MYOM1: variants seen among roughly 807,000 people sequenced by gnomAD.
MYOM1 encodes the protein myomesin 1, also known as myomesin-1.
Under a neutral mutation model 205.3 loss-of-function variants are expected in MYOM1, and 164 were observed. The ratio of observed to expected loss-of-function variants is 0.80; its 90% CI spans 0.70 to 0.91. MYOM1 has a LOEUF of 0.91. MYOM1 is among the 40% of genes least tolerant of loss of function. MYOM1 has a pLI of 0.00. For synonymous variants in MYOM1, 772 were observed against 789.4 expected, an observed-to-expected ratio of 0.98 and a Z score of 0.37; for missense variants, 2,011 against 2,127.3, an observed-to-expected ratio of 0.95 and a Z score of 1.08.
At position 3,100,042 on chromosome 18, in the gene MYOM1, A is replaced by G. The variant is rs78954772; in HGVS notation, c.3727+117T>C. 1.3e-3 allele frequency: 1,372 copies of G among 1,064,840 alleles called. 14 individuals carry two copies. In the African/African-American group the frequency reaches 0.019, roughly 15 times the overall value. 66.0% of individuals were successfully genotyped at this position (1,064,840 alleles called of 1,614,324 possible). A position where few individuals can be genotyped will look rare whatever the true frequency, so the allele number is the denominator to read the frequency against. On this transcript the variant is annotated intron_variant, in intron 25 of 37. Transcript: ENST00000356443. ...ATCTGTAGCTACTGATGTGTGTTCC[A>G]TTATATGTTCTCAAGAGTCTCTCTC...
At chr18:3,167,218 C>T (rs2080484337) in intron 9 of MYOM1, among the ~76,000 whole-genome samples, 1 of 152,114 alleles carries the variant, frequency 6.6e-6, no homozygotes, top group Admixed American at 6.5e-5. Flanking sequence ...GAGTAAACAC[C>T]AGCAGGTCTG....
chr18:3,191,087 A>C (rs1300031954), intron 3 of MYOM1, among the ~76,000 whole-genome samples: 1 of 152,200 alleles, frequency 6.6e-6, no homozygotes, highest in East Asian at 1.9e-4. Context: ...ATCAGTGATA[A>C]CCCTTCTATA....
intron 16 of MYOM1, 105 bp downstream of exon 16, chr18:3,134,545 A>G (rs2079924356): frequency 7.8e-7 from 1 of 1,283,290 alleles, no homozygotes; most frequent in Middle Eastern, 2.9e-4. Context: ...CCAGCCAAAA[A>G]GTAAAATTTT....
At chr18:3,136,029 G>A (rs756377639) in intron 14 of MYOM1, among the ~76,000 whole-genome samples, 8 of 152,156 alleles carry the variant, frequency 5.3e-5, no homozygotes, top group Admixed American at 2.6e-4. Context: ...GAATCATGGG[G>A]GCGGTTTCCC....
At position 3,187,577 on chromosome 18, in the gene MYOM1, C is replaced by G; in HGVS notation, c.832G>C (p.Glu278Gln). ...LNEDHLLHAPEFIIKPRSHTV... is the reference protein window; with the variant it reads ...LNEDHLLHAPQFIIKPRSHTV... ...TGGGAGCGAGGTTTAATGATAAACT[C>G]AGGAGCATGGAGAAGATGGTCTTCA... The change falls in exon 5 of 38, where the codon GAG becomes CAG. Residue 278 changes from glutamate (E) to glutamine (Q), a missense_variant. Glu to Gln is a conservative substitution (Grantham distance 29). Transcript: ENST00000356443. 2 of 1,613,754 alleles carry G rather than the reference C, an allele frequency of 1.2e-6. No homozygotes were observed. Among genetic ancestry groups the G allele is most frequent in the South Asian group, 2.2e-5 (2 of 91,074 alleles).
chr18:3,215,771 C>T (rs2081258322), intron 1 of MYOM1, among the ~76,000 whole-genome samples: 1 of 152,034 alleles, frequency 6.6e-6, no homozygotes, highest in Admixed American at 6.6e-5. Context: ...AGGAGGTTTT[C>T]CTAGAAAAAC....
intron 2 of MYOM1, among the ~76,000 whole-genome samples, chr18:3,196,560 A>G (rs1243883104): frequency 1.3e-5 from 2 of 152,148 alleles, no homozygotes. Context: ...CTGAATTTTG[A>G]TGAAAGCAAT....
intron 27 of MYOM1, 58 bp downstream of exon 27, chr18:3,090,600 G>C (rs929856218): frequency 1.3e-6 from 2 of 1,594,090 alleles, no homozygotes; most frequent in Admixed American, 1.7e-5. Flanking sequence ...GTGCCATGGG[G>C]TACTTAGATT....
chr18:3,141,833 G>GCT, intron 14 of MYOM1, 106 bp downstream of exon 14: 1 of 1,387,524 alleles, frequency 7.2e-7, no homozygotes, highest in Non-Finnish European at 1.0e-6. Flanking sequence ...ATCAGGACAT[G>GCT]CTCCCTCCTC....
chr18:3,088,769 A>C (rs991560954), intron 29 of MYOM1, among the ~76,000 whole-genome samples: 1 of 152,118 alleles, frequency 6.6e-6, no homozygotes, highest in Non-Finnish European at 1.5e-5. Flanking sequence ...ACAGCTGGGG[A>C]ATACCCAGGG....
chr18:3,152,805 G>C lies in MYOM1; in HGVS notation c.1644-912C>G, dbSNP rs944576783. Reference sequence around the variant, plus strand: ...AGGGGCGTGGGGGTTGCCAGTGGCAGGACAGAGGTGGCTGGTGTGGGGGGT... The same window carrying C: ...AGGGGCGTGGGGGTTGCCAGTGGCACGACAGAGGTGGCTGGTGTGGGGGGT... On this transcript the variant is annotated intron_variant, in intron 11 of 37. Transcript: ENST00000356443. The surrounding 1 kb of genome is among the most constrained non-coding windows in gnomAD (Gnocchi z 4.3). Among the ~76,000 whole-genome samples, 2 of 152,154 alleles carry C rather than the reference G, an allele frequency of 1.3e-5. No individual in the cohort carries two copies. The highest frequency in any genetic ancestry group is 2.9e-5 in the Non-Finnish European group (2 of 68,034).
intron 1 of MYOM1, among the ~76,000 whole-genome samples, chr18:3,217,808 C>A (rs1166941343): frequency 6.6e-6 from 1 of 151,992 alleles, no homozygotes; most frequent in Non-Finnish European, 1.5e-5. Context: ...CGTGGTGAGA[C>A]CTTGTCTCTA....
chr18:3,132,004 G>A (rs1265715259), intron 16 of MYOM1, among the ~76,000 whole-genome samples: 1 of 145,124 alleles, frequency 6.9e-6, no homozygotes, highest in Non-Finnish European at 1.5e-5. Context: ...ATAATAATTA[G>A]TATTAAAATT....
intron 37 of MYOM1, among the ~76,000 whole-genome samples, chr18:3,070,328 GT>G (rs1026638231): frequency 1.3e-5 from 2 of 151,952 alleles, no homozygotes; most frequent in Non-Finnish European, 2.9e-5. Context: ...TTTAAAAATT[GT>G]TTTTGTAGAG....
Position 3,189,023 on chromosome 18 carries a change from T to C in MYOM1, c.496A>G (p.Ile166Val), listed in dbSNP as rs769348303. 9 of 1,613,646 alleles carry C rather than the reference T, an allele frequency of 5.6e-6. No individual in the cohort carries two copies. The highest frequency in any genetic ancestry group is 1.3e-5 in the African/African-American group (1 of 74,844). Residue 166 changes from isoleucine to valine, a missense_variant, in exon 4 of 38, where the codon ATA becomes GTA. Physicochemically the swap from Ile to Val is conservative, Grantham distance 29. Coordinates refer to ENST00000356443, the MANE Select transcript of MYOM1 (RefSeq NM_003803.4). This position sits in a 1 kb window ranked among gnomAD's most constrained non-coding sequence, Gnocchi z 4.8. The stretch of plus-strand genomic sequence containing the variant: ...CTAGCAAGAAGATTCCTCTGGGCTA[T>C]ATAAGCAGCAGCTTCTTTAATTCTT... ...EERIKEAAAYIAQRNLLASEE... is the reference protein window; with the variant it reads ...EERIKEAAAYVAQRNLLASEE...
intron 30 of MYOM1, 44 bp from the exon 31 acceptor site, chr18:3,085,176 A>G: frequency 8.1e-7 from 1 of 1,230,570 alleles, no homozygotes; most frequent in East Asian, 3.7e-5. Context: ...TCGTAGCCCC[A>G]GGGCACGGTA....
rs11408756 is a variant in MYOM1 at position 3,078,973 on chromosome 18, C to CTT, written c.4648+204_4648+205dup. 0.057 allele frequency among the ~76,000 whole-genome samples: 5,981 copies of CTT among 105,850 alleles called. 402 individuals are homozygous for CTT. Among genetic ancestry groups the CTT allele is most frequent in the African/African-American group, 0.083 (2,213 of 26,688 alleles). 69.4% of individuals were successfully genotyped at this position (105,850 alleles called of 152,430 possible). On this transcript the variant is annotated intron_variant, in intron 34 of 37. Transcript: ENST00000356443. ...AGGTGTGTGCCACTTTACCCAGCTA[C>CTT]TTTTTTTTTTTTTTTTTTTTTTAGA...
the MYOM1 span, among the ~76,000 whole-genome samples, chr18:3,238,268 G>A: frequency 1.3e-5 from 2 of 152,042 alleles, no homozygotes; most frequent in East Asian, 3.9e-4. Context: ...GCTCCTAAGA[G>A]AATCTAAAGC....
chr18:3,238,051 G>A, the MYOM1 span, among the ~76,000 whole-genome samples: 2 of 152,182 alleles, frequency 1.3e-5, no homozygotes, highest in Admixed American at 6.5e-5. Flanking sequence ...TCTTATTTCT[G>A]TTATTATTAC....
Sources: allele counts gnomAD v4.1 joint callset (sites outside exome capture counted in the v4.1 genomes callset), GRCh38; gene constraint gnomAD v4.1.1; non-coding constraint Gnocchi (gnomAD v3.1); transcripts MANE v1.5; gene names NCBI Gene and HGNC (gene_info 2026-07-23, HGNC 2026-07-21).